IGFBP1: variants seen among roughly 807,000 people sequenced by gnomAD.
The protein encoded by IGFBP1 is insulin-like growth factor-binding protein 1.
Under a neutral mutation model 23.1 loss-of-function variants are expected in IGFBP1, and 31 were observed. That is an observed-to-expected ratio of 1.34 (90% CI 1.01 to 1.81). The LOEUF (loss-of-function observed/expected upper bound fraction) is 1.81. Among genes scored for constraint, IGFBP1 ranks in the 40% most tolerant of loss-of-function variants. The probability of loss-of-function intolerance (pLI) is 0.00; values close to 1 mark genes in which losing one functional copy is unlikely to be tolerated. For synonymous variants in IGFBP1, 148 were observed against 145.5 expected, an observed-to-expected ratio of 1.02 and a Z score of -0.13; for missense variants, 333 against 342.2, an observed-to-expected ratio of 0.97 and a Z score of 0.21.
rs1052096090 is a variant in IGFBP1, at chr7:45,893,559, G to A, written c.*468G>A. On this transcript the variant is annotated 3_prime_UTR_variant, in exon 4 of 4. Coordinates refer to ENST00000275525, the MANE Select transcript of IGFBP1 (RefSeq NM_000596.4). ...TAAAAGTGTTGATTACATAATCAAA[G>A]CTACCTGTGGTGATGTTGCCACCTG... 6.6e-6 allele frequency: 1 copy of A among 150,980 alleles called. No individual in the cohort carries two copies. The highest frequency in any genetic ancestry group is 2.4e-5 in the African/African-American group (1 of 41,016). 9.4% of individuals were successfully genotyped at this position (150,980 alleles called of 1,614,324 possible).
chr7:45,893,101 A>G lies in IGFBP1; in HGVS notation c.*10A>G. The G allele has an allele frequency of 6.2e-7, 1 of 1,601,406 alleles. No individual in the cohort carries two copies. Among genetic ancestry groups the G allele is most frequent in the Non-Finnish European group, 8.6e-7 (1 of 1,169,386 alleles). ...TAATGTACAAAACTGAAACCAGATG[A>G]AATAATGTTCTGTCACGTGAAATAT... On this transcript the variant is annotated 3_prime_UTR_variant, in exon 4 of 4. Transcript: ENST00000275525.
intron 1 of IGFBP1, among the ~76,000 whole-genome samples, chr7:45,890,048 G>T (rs561145036): frequency 6.6e-6 from 1 of 152,142 alleles, no homozygotes; most frequent in Non-Finnish European, 1.5e-5. Context: ...GAAGGCAGGG[G>T]CCCCAAAATA....
chr7:45,892,185 T>G, intron 3 of IGFBP1, 125 bp downstream of exon 3: 1 of 1,031,272 alleles, frequency 9.7e-7, no homozygotes, highest in East Asian at 2.5e-5. Context: ...GTGGTTGTAT[T>G]GAGCCAGATC....
Position 45,893,126 on chromosome 7 carries a change from T to A in IGFBP1, c.*35T>A. ...AAATAATGTTCTGTCACGTGAAATATTTAAGTATATAGTATATTTATACTC... is the reference window on the plus strand; with the variant it reads ...AAATAATGTTCTGTCACGTGAAATAATTAAGTATATAGTATATTTATACTC... On this transcript the variant is annotated 3_prime_UTR_variant, in exon 4 of 4. Coordinates refer to ENST00000275525, the MANE Select transcript of IGFBP1 (RefSeq NM_000596.4). 1 of 1,474,786 alleles carries A rather than the reference T, an allele frequency of 6.8e-7. No individual in the cohort carries two copies. The highest frequency in any genetic ancestry group is 1.4e-5 in the African/African-American group (1 of 71,958). The allele number at this position is 1,474,786 out of a possible 1,614,324, so 91.4% of individuals were successfully genotyped here. A position where few individuals can be genotyped will look rare whatever the true frequency, so the allele number is the denominator to read the frequency against.
intron 2 of IGFBP1, among the ~76,000 whole-genome samples, 182 bp from the exon 3 acceptor site, chr7:45,891,750 A>C (rs907217031): frequency 1.3e-5 from 2 of 152,178 alleles, no homozygotes; most frequent in Non-Finnish European, 2.9e-5. Context: ...CTTAAGACAG[A>C]CTAACTGCAG....
rs1175282849 is a variant in IGFBP1, at chr7:45,892,069, C to G, written c.648+9C>G. The G allele has an allele frequency of 6.2e-7, 1 of 1,613,832 alleles. No homozygotes were observed. On this transcript the variant is annotated intron_variant, in intron 3 of 3. Transcript: ENST00000275525. ...TTTATCACAGCAGACAGGTAGGTGGCCTTGCCAGTGTGCGTCGTCAGGGTG... is the reference window on the plus strand; with the variant it reads ...TTTATCACAGCAGACAGGTAGGTGGGCTTGCCAGTGTGCGTCGTCAGGGTG...
At chr7:45,892,782 TATG>T (rs1350162708) in intron 3 of IGFBP1, among the ~76,000 whole-genome samples, 175 bp from the exon 4 acceptor site, 13 of 152,246 alleles carry the variant, frequency 8.5e-5, no homozygotes, top group African/African-American at 3.1e-4. Flanking sequence ...GTCTCTATTT[TATG>T]ATGAGAACCA....
In IGFBP1 at chr7:45,890,797, C is replaced by G. The variant is rs1016954526; in HGVS notation, c.519+80C>G. 14 of 1,228,868 alleles carry G rather than the reference C, an allele frequency of 1.1e-5. No individual in the cohort carries two copies. In the African/African-American group the frequency reaches 2.0e-4, roughly 18 times the overall value. 76.1% of individuals were successfully genotyped at this position (1,228,868 alleles called of 1,614,324 possible). ...GTCGGCTGTGACAAGCAGACCTGGC[C>G]CACTCCTTCCTGGTCCTGATGCCCT... On this transcript the variant is annotated intron_variant, in intron 2 of 3. Coordinates refer to ENST00000275525, the MANE Select transcript of IGFBP1 (RefSeq NM_000596.4).
rs771841850 is a variant in IGFBP1, at chr7:45,888,697, G to A, written c.45G>A (p.Leu15=). 1.2e-5 allele frequency: 19 copies of A among 1,597,802 alleles called. No homozygotes were observed. Among genetic ancestry groups the A allele is most frequent in the Non-Finnish European group, 1.6e-5 (19 of 1,179,450 alleles). The part of the protein sequence containing the change: ...PVARVWLVLL[L]LTVQVGVTAG... ...CTCGCGTCTGGCTGGTACTGCTCCTGCTGACTGTCCAGGTCGGCGTGACAG... is the reference window on the plus strand; with the variant it reads ...CTCGCGTCTGGCTGGTACTGCTCCTACTGACTGTCCAGGTCGGCGTGACAG... Residue 15 remains leucine, a synonymous_variant, in exon 1 of 4, where the codon CTG becomes CTA. Transcript: ENST00000275525.
At position 45,888,789 on chromosome 7, in the gene IGFBP1, C is replaced by T; in HGVS notation, c.137C>T (p.Ala46Val). The change falls in exon 1 of 4, where the codon GCC becomes GTC. Residue 46 changes from alanine (A) to valine (V), a missense_variant. By Grantham distance (64) the Ala-to-Val change is moderately conservative. Transcript: ENST00000275525. ...EKLALCPPVS[A>V]SCSEVTRSAG... is the part of the protein sequence containing the mutation. ...CTCGCGCTCTGCCCGCCGGTGTCCG[C>T]CTCGTGCTCGGAGGTCACCCGGTCC... The T allele has an allele frequency of 6.3e-7, 1 of 1,578,000 alleles. No homozygotes were observed. The highest frequency in any genetic ancestry group is 8.5e-7 in the Non-Finnish European group (1 of 1,170,882).
intron 2 of IGFBP1, 144 bp from the exon 3 acceptor site, chr7:45,891,788 C>T: frequency 2.9e-6 from 2 of 682,862 alleles, no homozygotes; most frequent in East Asian, 2.7e-5. Context: ...AGAGGGAGCA[C>T]ATCACATGAC....
Position 45,890,659 on chromosome 7 carries a change from C to T in IGFBP1, c.461C>T (p.Ala154Val), listed in dbSNP as rs758636859. 2.5e-5 allele frequency: 41 copies of T among 1,613,532 alleles called. No individual in the cohort carries two copies. The South Asian group carries it at 4.2e-4, about 16-fold the overall frequency. ...GAGGATCATTCCATCCTTTGGGACG[C>T]CATCAGTACCTATGATGGCTCGAAG... ...SEEDHSILWD[A>V]ISTYDGSKAL... Residue 154 changes from alanine to valine, a missense_variant, in exon 2 of 4, where the codon GCC (alanine) becomes GTC (valine). Physicochemically the swap from Ala to Val is moderately conservative, Grantham distance 64 (BLOSUM62 0). Coordinates refer to ENST00000275525, the MANE Select transcript of IGFBP1 (RefSeq NM_000596.4).
Position 45,889,073 on chromosome 7 carries a change from C to T in IGFBP1, c.349+72C>T. On this transcript the variant is annotated intron_variant, in intron 1 of 3. Coordinates refer to ENST00000275525, the MANE Select transcript of IGFBP1 (RefSeq NM_000596.4). ...CGCCCGGCACCTCCCGCCCCCACTC[C>T]CCTAACTACTGGGTGGGGCTGCAGC... is the stretch of plus-strand genomic sequence containing the variant. 6 of 1,171,150 alleles carry T rather than the reference C, an allele frequency of 5.1e-6. No homozygotes were observed. The South Asian group carries it at 7.9e-5, about 15-fold the overall frequency. The allele number at this position is 1,171,150 out of a possible 1,614,324, so 72.5% of individuals were successfully genotyped here.
In IGFBP1 at chr7:45,891,995, G is replaced by A. The variant is rs1389200541; in HGVS notation, c.583G>A (p.Gly195Arg). 2 of 1,614,048 alleles carry A rather than the reference G, an allele frequency of 1.2e-6. No individual in the cohort carries two copies. Among genetic ancestry groups the A allele is most frequent in the Admixed American group, 1.7e-5 (1 of 60,026 alleles). The change falls in exon 3 of 4, where the codon GGA becomes AGA. Residue 195 changes from glycine (G) to arginine (R), a missense_variant. Transcript: ENST00000275525. Reference sequence around the variant, plus strand: ...TTTAGCCAAGGCACAGGAGACATCAGGAGAAGAAATTTCCAAATTTTACCT... The same window carrying A: ...TTTAGCCAAGGCACAGGAGACATCAAGAGAAGAAATTTCCAAATTTTACCT... ...ESLAKAQETSGEEISKFYLPN... is the reference protein window; with the variant it reads ...ESLAKAQETSREEISKFYLPN...
chr7:45,890,473 A>G (rs1787060353), intron 1 of IGFBP1, 75 bp from the exon 2 acceptor site: 1 of 1,476,970 alleles, frequency 6.8e-7, no homozygotes, highest in Non-Finnish European at 9.1e-7. Context: ...TGAGGGAAGG[A>G]AGTGATCTCC....
intron 1 of IGFBP1, 76 bp downstream of exon 1, chr7:45,889,077 A>C (rs1787035603): frequency 7.2e-6 from 8 of 1,114,662 alleles, no homozygotes; most frequent in African/African-American, 1.6e-5. Context: ...CCACTCCCCT[A>C]ACTACTGGGT....
rs531622833 is a variant in IGFBP1 at position 45,893,079 on chromosome 7, T to G, written c.768T>G (p.Asn256Lys). Residue 256 changes from asparagine to lysine, a missense_variant, in exon 4 of 4, where the codon AAT becomes AAG. By Grantham distance (94) the Asn-to-Lys change is moderately conservative. Coordinates refer to ENST00000275525, the MANE Select transcript of IGFBP1 (RefSeq NM_000596.4). ...ACCCCAACTGCCAGATATATTTTAATGTACAAAACTGAAACCAGATGAAAT... is the reference window on the plus strand; with the variant it reads ...ACCCCAACTGCCAGATATATTTTAAGGTACAAAACTGAAACCAGATGAAAT... ...RGDPNCQIYF[N>K]VQN The G allele has an allele frequency of 6.2e-7, 1 of 1,609,458 alleles. No homozygotes were observed. The highest frequency in any genetic ancestry group is 1.3e-5 in the African/African-American group (1 of 74,918).
intron 2 of IGFBP1, 55 bp downstream of exon 2, chr7:45,890,772 G>A: frequency 1.3e-6 from 2 of 1,491,512 alleles, no homozygotes; most frequent in Non-Finnish European, 9.1e-7. Context: ...TGTAGCTTGA[G>A]TCGGCTGTGA....
Position 45,888,512 on chromosome 7 carries a change from C to G in IGFBP1, c.-141C>G. 1 of 687,088 alleles carries G rather than the reference C, an allele frequency of 1.5e-6. No homozygotes were observed. The highest frequency in any genetic ancestry group is 2.9e-5 in the East Asian group (1 of 34,188). 42.6% of individuals were successfully genotyped at this position (687,088 alleles called of 1,614,324 possible). A position where few individuals can be genotyped will look rare whatever the true frequency, so the allele number is the denominator to read the frequency against. ...CATCGGCCACCGCCATCCCATCCAG[C>G]GAGCATCTGCCGCCGCGCCGCCGCC... On this transcript the variant is annotated 5_prime_UTR_variant, in exon 1 of 4. Coordinates refer to ENST00000275525, the MANE Select transcript of IGFBP1 (RefSeq NM_000596.4).
Sources: gnomAD v4.1 joint callset for allele counts (sites outside exome capture counted in the v4.1 genomes callset) on GRCh38, gnomAD v4.1.1 for gene constraint, MANE v1.5 for transcripts, NCBI Gene and HGNC (gene_info 2026-07-23, HGNC 2026-07-21) for gene names.